Variants in SRRM4 observed in about 807,000 individuals in gnomAD.
SRRM4 encodes serine/arginine repetitive matrix protein 4.
A neutral mutation model predicts 68.9 loss-of-function variants in SRRM4; 33 were observed. That is an observed-to-expected ratio of 0.48 (90% CI 0.36 to 0.64). SRRM4 has a LOEUF of 0.64. SRRM4 is among the 30% of genes least tolerant of loss of function. The pLI, the probability that SRRM4 is intolerant of heterozygous loss-of-function variation, is 0.00. For synonymous variants in SRRM4, 318 were observed against 318.8 expected (o/e 1.00, Z 0.03); for missense variants, 817 against 827.1 (o/e 0.99, Z 0.15).
At chr12:119,096,202 T>C (rs1369470012) in intron 1 of SRRM4, among the ~76,000 whole-genome samples, 1 of 149,888 alleles carries the variant, frequency 6.7e-6, no homozygotes, top group East Asian at 2.0e-4. Flanking sequence ...TTTTTTTTTT[T>C]TTTGTATTTT....
Position 119,094,644 on chromosome 12 carries a change from T to C in SRRM4, c.132-7592T>C, listed in dbSNP as rs114824627. Among the ~76,000 whole-genome samples the C allele has an allele frequency of 9.3e-3, 1,420 of 152,316 alleles. 32 individuals are homozygous for C. The highest frequency in any genetic ancestry group is 0.032 in the African/African-American group (1,349 of 41,580). On this transcript the variant is annotated intron_variant, in intron 1 of 12. Transcript: ENST00000267260. Reference sequence around the variant, plus strand: ...TTTTTGTTCCACTTTCCTGACCAATTTCTATTCATCTGCTAGAAACACATT... The same window carrying C: ...TTTTTGTTCCACTTTCCTGACCAATCTCTATTCATCTGCTAGAAACACATT...
intron 6 of SRRM4, 69 bp from the exon 7 acceptor site, chr12:119,125,312 A>G: frequency 1.4e-6 from 2 of 1,401,232 alleles, no homozygotes; most frequent in Non-Finnish European, 2.0e-6. Flanking sequence ...CACAAGATCA[A>G]ATCTCTCACT....
intron 3 of SRRM4, 92 bp downstream of exon 3, chr12:119,114,456 C>A: frequency 2.0e-6 from 2 of 975,648 alleles, no homozygotes; most frequent in Non-Finnish European, 3.2e-6. Flanking sequence ...CTCTTGGGTT[C>A]AAATCCCCTC....
chr12:118,995,560 T>C (rs996493911), intron 1 of SRRM4, among the ~76,000 whole-genome samples: 2 of 152,300 alleles, frequency 1.3e-5, no homozygotes, highest in African/African-American at 4.8e-5. Context: ...TTTTGGGACT[T>C]GCCAATTTGA....
At chr12:119,147,507 A>G (rs1954411476) in intron 9 of SRRM4, among the ~76,000 whole-genome samples, 1 of 152,232 alleles carries the variant, frequency 6.6e-6, no homozygotes, top group South Asian at 2.1e-4. Flanking sequence ...ATTGTAGCAA[A>G]TGGACCACGT....
At chr12:118,997,558 C>T (rs1171064702) in intron 1 of SRRM4, among the ~76,000 whole-genome samples, 9 of 152,094 alleles carry the variant, frequency 5.9e-5, no homozygotes, top group African/African-American at 2.2e-4. Flanking sequence ...CTTCTGAATC[C>T]ATAAATCCTT....
chr12:119,035,247 A>G (rs1042543387), intron 1 of SRRM4, among the ~76,000 whole-genome samples: 1 of 152,186 alleles, frequency 6.6e-6, no homozygotes, highest in Non-Finnish European at 1.5e-5. Context: ...TTTTTATTGT[A>G]GAGAAGAAAT....
At chr12:119,097,411 G>T (rs1235025444) in intron 1 of SRRM4, among the ~76,000 whole-genome samples, 1 of 152,186 alleles carries the variant, frequency 6.6e-6, no homozygotes, top group African/African-American at 2.4e-5. Context: ...CAATTCATTT[G>T]TTCATCCATC....
intron 7 of SRRM4, among the ~76,000 whole-genome samples, chr12:119,128,259 C>G (rs1156672396): frequency 6.6e-6 from 1 of 152,164 alleles, no homozygotes; most frequent in Non-Finnish European, 1.5e-5. Context: ...ACAAAAGTGA[C>G]CAAGCATCTC....
At chr12:119,006,117 G>T (rs937376180) in intron 1 of SRRM4, among the ~76,000 whole-genome samples, 1 of 152,158 alleles carries the variant, frequency 6.6e-6, no homozygotes, top group African/African-American at 2.4e-5. Flanking sequence ...TTGTGCCCTG[G>T]CTGGCCCATC....
At chr12:119,133,873 T>C (rs896158678) in intron 8 of SRRM4, among the ~76,000 whole-genome samples, 1 of 152,202 alleles carries the variant, frequency 6.6e-6, no homozygotes, top group Non-Finnish European at 1.5e-5. Context: ...TTAAAGGCAA[T>C]GCACAACAAT....
intron 1 of SRRM4, among the ~76,000 whole-genome samples, chr12:118,982,417 C>A (rs1953253492): frequency 6.6e-6 from 1 of 152,158 alleles, no homozygotes; most frequent in Admixed American, 6.5e-5. Flanking sequence ...CCAGCTCAAG[C>A]AGCGTTCAGA....
At chr12:119,030,548 T>C (rs1953582479) in intron 1 of SRRM4, among the ~76,000 whole-genome samples, 2 of 152,132 alleles carry the variant, frequency 1.3e-5, no homozygotes, top group Admixed American at 1.3e-4. Flanking sequence ...AATATAAAAA[T>C]CACCCCAAAT....
chr12:119,124,710 A>G (rs992772217), intron 6 of SRRM4, among the ~76,000 whole-genome samples: 1 of 152,118 alleles, frequency 6.6e-6, no homozygotes, highest in Non-Finnish European at 1.5e-5. Flanking sequence ...CCATCCTGAA[A>G]GGTTTTTGAC....
chr12:119,134,056 A>T (rs935450364), intron 8 of SRRM4, among the ~76,000 whole-genome samples: 1 of 152,148 alleles, frequency 6.6e-6, no homozygotes, highest in Non-Finnish European at 1.5e-5. Context: ...CCATGGCAAG[A>T]TATGGGCTCT....
chr12:118,989,024 G>C (rs1953299829), intron 1 of SRRM4, among the ~76,000 whole-genome samples: 1 of 152,138 alleles, frequency 6.6e-6, no homozygotes, highest in African/African-American at 2.4e-5. Context: ...CTAGAGCAGA[G>C]TGAGTGAATG....
intron 1 of SRRM4, among the ~76,000 whole-genome samples, chr12:119,090,881 G>T (rs920920324): frequency 1.3e-5 from 2 of 152,204 alleles, no homozygotes; most frequent in Non-Finnish European, 2.9e-5. Flanking sequence ...GGAGAGACAA[G>T]GAGACCCCTC....
intron 1 of SRRM4, among the ~76,000 whole-genome samples, chr12:119,063,299 C>G (rs1953825870): frequency 6.6e-6 from 1 of 152,144 alleles, no homozygotes; most frequent in African/African-American, 2.4e-5. Context: ...TAAGGATAGG[C>G]TTGGTTGTGC....
chr12:119,083,839 G>C (rs1263827120), intron 1 of SRRM4, among the ~76,000 whole-genome samples: 3 of 152,156 alleles, frequency 2.0e-5, no homozygotes, highest in African/African-American at 7.2e-5. Flanking sequence ...AACAGCAGCT[G>C]GGCATCTAAA....
Sources: gnomAD v4.1 joint callset for allele counts (sites outside exome capture counted in the v4.1 genomes callset) on GRCh38, gnomAD v4.1.1 for gene constraint, MANE v1.5 for transcripts, NCBI Gene and HGNC (gene_info 2026-07-23, HGNC 2026-07-21) for gene names.